Variants in PHEX observed in about 807,000 individuals in gnomAD.
PHEX encodes phosphate-regulating neutral endopeptidase PHEX.
Under a neutral mutation model 68.0 loss-of-function variants are expected in PHEX, and 16 were observed. The ratio of observed to expected loss-of-function variants is 0.24; its 90% CI spans 0.16 to 0.36. PHEX has a LOEUF of 0.36. PHEX is among the 10% of genes least tolerant of loss of function. The pLI is 1.00. For missense variants in PHEX, 480 were observed against 575.5 expected (o/e 0.83, Z 1.70); for synonymous variants, 208 against 205.1 (o/e 1.01, Z -0.12).
chrX:22,227,933 T>A (rs1284155212), intron 20 of PHEX, among the ~76,000 whole-genome samples: 1 of 111,712 alleles, frequency 9.0e-6, no homozygotes, highest in Non-Finnish European at 1.9e-5. Flanking sequence ...TTCTAGTAAC[T>A]TGCTCTTTGG....
At position 22,055,336 on chromosome X, in the gene PHEX, T is replaced by A. The variant is rs1301669873; in HGVS notation, c.349+8125T>A. The stretch of plus-strand genomic sequence containing the variant: ...CACATTGTATTCTTGTATCAGATAA[T>A]CACATGTACCACATAAATATGTAAA... On this transcript the variant is annotated intron_variant, in intron 3 of 21. Transcript: ENST00000379374. Among the ~76,000 whole-genome samples, 4 of 110,219 alleles carry A rather than the reference T, an allele frequency of 3.6e-5. No homozygotes were observed. In the East Asian group the frequency reaches 1.1e-3, roughly 31 times the overall value.
chrX:22,247,569 A>G (rs781685093), intron 21 of PHEX, among the ~76,000 whole-genome samples: 335 of 112,481 alleles, frequency 3.0e-3, no homozygotes, highest in Non-Finnish European at 5.4e-3. Flanking sequence ...AAGTTTTTAA[A>G]AAGTTAGAAA....
Position 22,231,966 on chromosome X carries a change from G to T in PHEX, c.2070+4355G>T, listed in dbSNP as rs186938395. Among the ~76,000 whole-genome samples, 38 of 111,615 alleles carry T rather than the reference G, an allele frequency of 3.4e-4. No homozygotes were observed. The East Asian group carries it at 5.3e-3, about 16-fold the overall frequency. On this transcript the variant is annotated intron_variant, in intron 20 of 21. Coordinates refer to ENST00000379374, the MANE Select transcript of PHEX (RefSeq NM_000444.6). ...TGTGTCCCAGAGATTCTGGTACATT[G>T]TGTCTTTGTTCTCACTGGTTTCAAA... is the stretch of plus-strand genomic sequence containing the variant.
chrX:22,071,314 T>C lies in PHEX; in HGVS notation c.350-5074T>C, dbSNP rs1928890659. Reference sequence around the variant, plus strand: ...GAATGAAGTCTTGGATTTCATTGTATGATATAGGGACTGAGATGTGAAAAA... The same window carrying C: ...GAATGAAGTCTTGGATTTCATTGTACGATATAGGGACTGAGATGTGAAAAA... On this transcript the variant is annotated intron_variant, in intron 3 of 21. Transcript: ENST00000379374. Among the ~76,000 whole-genome samples, 3 of 112,016 alleles carry C rather than the reference T, an allele frequency of 2.7e-5. No homozygotes were observed. The Admixed American group carries it at 2.8e-4, about 11-fold the overall frequency.
chrX:22,086,849 T>A (rs1004045154), intron 5 of PHEX, among the ~76,000 whole-genome samples: 37 of 112,276 alleles, frequency 3.3e-4, no homozygotes, highest in Non-Finnish European at 6.2e-4. Flanking sequence ...AGAAAACATT[T>A]ATATTTTCAG....
At chrX:22,078,082 C>A (rs980675328) in intron 5 of PHEX, among the ~76,000 whole-genome samples, 1 of 112,130 alleles carries the variant, frequency 8.9e-6, no homozygotes, top group Non-Finnish European at 1.9e-5. Context: ...GGAGAAAACA[C>A]GTGCCATGAT....
chrX:22,163,014 T>C (rs951856741), intron 12 of PHEX: 7 of 111,690 alleles, frequency 6.3e-5, no homozygotes, highest in African/African-American at 2.3e-4. Flanking sequence ...TATGGAGATA[T>C]TTTTGGTTGT....
At chrX:22,075,041 C>T (rs1602272693) in intron 3 of PHEX, among the ~76,000 whole-genome samples, 1 of 101,746 alleles carries the variant, frequency 9.8e-6, no homozygotes, top group Non-Finnish European at 2.0e-5. Flanking sequence ...CCTGCCACTG[C>T]ACTCCAGCTT....
At chrX:22,091,512 C>A (rs953666921) in intron 6 of PHEX, among the ~76,000 whole-genome samples, 2 of 112,257 alleles carry the variant, frequency 1.8e-5, no homozygotes, top group Non-Finnish European at 3.8e-5. Context: ...AGCCTTTTAA[C>A]TGTTACTGCT....
chrX:22,131,253 C>T (rs1042958667), intron 11 of PHEX, among the ~76,000 whole-genome samples: 1 of 110,815 alleles, frequency 9.0e-6, no homozygotes, highest in African/African-American at 3.3e-5. Context: ...GTTGGCCAGG[C>T]TGGTCTCGAA....
Position 22,093,997 on chromosome X carries a change from T to G in PHEX, c.747T>G (p.Leu249=). ...ATTTCTTACAGTATCGGGATGCCCT[T>G]TACAAGTTCATGGTGGATACTGCCG... The part of the protein sequence containing the change: ...STEAKSYRDA[L]YKFMVDTAVL... Residue 249 remains leucine, a synonymous_variant, in exon 7 of 22, where the codon CTT becomes CTG. Transcript: ENST00000379374. 1 of 1,192,097 alleles carries G rather than the reference T, an allele frequency of 8.4e-7. No individual in the cohort carries two copies. Among genetic ancestry groups the G allele is most frequent in the Non-Finnish European group, 1.1e-6 (1 of 878,332 alleles).
intron 16 of PHEX, among the ~76,000 whole-genome samples, chrX:22,217,494 C>A (rs1288849023): frequency 1.8e-5 from 2 of 112,219 alleles, no homozygotes; most frequent in Admixed American, 9.5e-5. Context: ...CCTGTAATAA[C>A]ATATTACTTT....
chrX:22,178,605 G>A (rs993622161), intron 14 of PHEX, among the ~76,000 whole-genome samples: 4 of 111,719 alleles, frequency 3.6e-5, no homozygotes, highest in African/African-American at 6.5e-5. Flanking sequence ...CATATCAAGA[G>A]AAGGCTTATT....
intron 14 of PHEX, among the ~76,000 whole-genome samples, chrX:22,182,214 T>C (rs888343506): frequency 1.8e-5 from 2 of 112,097 alleles, no homozygotes; most frequent in Admixed American, 1.9e-4. Context: ...GGCTCTGTCA[T>C]ATATGACTAT....
intron 14 of PHEX, among the ~76,000 whole-genome samples, chrX:22,182,988 G>C (rs1279323963): frequency 9.0e-6 from 1 of 111,679 alleles, no homozygotes; most frequent in African/African-American, 3.3e-5. Flanking sequence ...TGTTGACAAT[G>C]TTGTCCAGTT....
chrX:22,075,508 AGTGCCCTG>A (rs918314806), intron 3 of PHEX, among the ~76,000 whole-genome samples: 2 of 110,997 alleles, frequency 1.8e-5, no homozygotes, highest in African/African-American at 6.6e-5. Context: ...CGGTGAAGGC[AGTGCCCTG>A]GTGCTGCAGT....
chrX:22,182,690 C>T (rs1483924325), intron 14 of PHEX, among the ~76,000 whole-genome samples: 2 of 110,428 alleles, frequency 1.8e-5, no homozygotes, highest in East Asian at 5.7e-4. Context: ...CCTTCTTGCT[C>T]TGCTTCATCC....
chrX:22,228,505 T>C (rs1036859438), intron 20 of PHEX, among the ~76,000 whole-genome samples: 3 of 111,720 alleles, frequency 2.7e-5, no homozygotes, highest in Non-Finnish European at 3.8e-5. Flanking sequence ...TTAAAGCTAA[T>C]AAAAAACACT....
chrX:22,138,750 G>A lies in PHEX; in HGVS notation c.1404+5126G>A, dbSNP rs150967982. ...ATCAAACTGTCTCCTGCCCTTTCCA[G>A]TTACAGATTCTAGCACATTTGCATA... On this transcript the variant is annotated intron_variant, in intron 12 of 21. Transcript: ENST00000379374. Among the ~76,000 whole-genome samples, 315 of 112,333 alleles carry A rather than the reference G, an allele frequency of 2.8e-3. 1 individual carries two copies. Among genetic ancestry groups the A allele is most frequent in the African/African-American group, 9.6e-3 (298 of 30,916 alleles).
Sources: allele counts gnomAD v4.1 joint callset (sites outside exome capture counted in the v4.1 genomes callset), GRCh38; gene constraint gnomAD v4.1.1; transcripts MANE v1.5; gene names NCBI Gene and HGNC (gene_info 2026-07-23, HGNC 2026-07-21).